TBC1D8: variants seen among roughly 807,000 people sequenced by gnomAD.
TBC1D8 encodes TBC1 domain family member 8.
Under a neutral mutation model 118.8 loss-of-function variants are expected in TBC1D8, and 65 were observed. The observed-to-expected ratio is 0.55, with a 90% CI of 0.45 to 0.67. The LOEUF is 0.67. Ranked by LOEUF, TBC1D8 falls within the 30% of genes least tolerant of loss-of-function variation. TBC1D8 has a pLI of 0.00. For synonymous variants in TBC1D8, 566 were observed against 595.8 expected, an observed-to-expected ratio of 0.95 and a Z score of 0.73; for missense variants, 1,376 against 1,471.2, an observed-to-expected ratio of 0.94 and a Z score of 1.06.
chr2:101,099,394 G>T (rs374103979), intron 1 of TBC1D8, among the ~76,000 whole-genome samples: 2 of 152,236 alleles, frequency 1.3e-5, no homozygotes, highest in South Asian at 2.1e-4. Flanking sequence ...AAAAAGCCCA[G>T]GACCAGATGG....
Position 101,097,833 on chromosome 2 carries a change from C to T in TBC1D8, c.128-7469G>A, listed in dbSNP as rs77203875. ...CAGTGAGCTATGATTGATCACACTG[C>T]TGTACTCCAGCCTGGATGACACAGT... On this transcript the variant is annotated intron_variant, in intron 1 of 19. Transcript: ENST00000409318. Among the ~76,000 whole-genome samples the T allele has an allele frequency of 7.5e-3, 1,136 of 152,294 alleles. 13 individuals carry two copies. The highest frequency in any genetic ancestry group is 0.026 in the African/African-American group (1,070 of 41,568).
intron 2 of TBC1D8, among the ~76,000 whole-genome samples, chr2:101,080,860 G>T (rs1204051345): frequency 1.3e-5 from 2 of 151,352 alleles, no homozygotes; most frequent in Admixed American, 1.3e-4. Context: ...CCAGTTCACT[G>T]CAGTCTCAAC....
At chr2:101,030,239 T>C (rs1483968517) in intron 11 of TBC1D8, among the ~76,000 whole-genome samples, 1 of 152,146 alleles carries the variant, frequency 6.6e-6, no homozygotes, top group East Asian at 1.9e-4. Flanking sequence ...AAAATGAAAA[T>C]GCAAGCTTCA....
chr2:101,019,147 A>G (rs552776807), intron 17 of TBC1D8: 23 of 1,467,490 alleles, frequency 1.6e-5, no homozygotes, highest in Middle Eastern at 2.3e-4. Flanking sequence ...TCTGTCTCCC[A>G]TATTACCCTG....
chr2:101,074,363 A>T (rs1382195064), intron 2 of TBC1D8, among the ~76,000 whole-genome samples: 1 of 152,240 alleles, frequency 6.6e-6, no homozygotes, highest in South Asian at 2.1e-4. Context: ...CACCATTAAC[A>T]GACATAATAA....
chr2:101,134,275 C>T (rs541562025), intron 1 of TBC1D8, among the ~76,000 whole-genome samples: 1 of 151,694 alleles, frequency 6.6e-6, no homozygotes, highest in African/African-American at 2.4e-5. Context: ...GGATGCTAAC[C>T]TCTGGGGCCT....
intron 17 of TBC1D8, among the ~76,000 whole-genome samples, chr2:101,012,380 C>G (rs910627221): frequency 6.6e-6 from 1 of 152,220 alleles, no homozygotes; most frequent in Non-Finnish European, 1.5e-5. Flanking sequence ...GAATGAAGCA[C>G]TGACGCATGC....
chr2:101,017,901 A>G (rs1356335825), intron 17 of TBC1D8: 4 of 1,550,856 alleles, frequency 2.6e-6, no homozygotes, highest in Non-Finnish European at 3.5e-6. Flanking sequence ...TGTCACCATC[A>G]GTGAGAAACC....
At chr2:101,078,957 A>C (rs1675065970) in intron 2 of TBC1D8, among the ~76,000 whole-genome samples, 1 of 152,028 alleles carries the variant, frequency 6.6e-6, no homozygotes, top group Non-Finnish European at 1.5e-5. Flanking sequence ...CACAGAAGTC[A>C]GTGAAAGGCA....
chr2:101,009,853 G>A (rs7355370), intron 19 of TBC1D8, among the ~76,000 whole-genome samples: 26,182 of 143,758 alleles, frequency 0.18, 2,609 homozygotes, highest in Middle Eastern at 0.34. Context: ...ATGGAGTCTC[G>A]CTCTGTCGCC....
intron 1 of TBC1D8, among the ~76,000 whole-genome samples, chr2:101,116,203 T>C (rs543099935): frequency 8.4e-4 from 128 of 152,316 alleles, no homozygotes; most frequent in African/African-American, 2.9e-3. Flanking sequence ...ATTTGACTGG[T>C]TGCCCACAGA....
In TBC1D8 at chr2:101,036,054, C is replaced by G. The variant is rs758772397; in HGVS notation, c.1567G>C (p.Glu523Gln). 2 of 1,614,052 alleles carry G rather than the reference C, an allele frequency of 1.2e-6. No homozygotes were observed. Among genetic ancestry groups the G allele is most frequent in the Admixed American group, 1.7e-5 (1 of 60,032 alleles). The change falls in exon 9 of 20, where the codon GAA becomes CAA. Residue 523 changes from glutamate to glutamine, a missense_variant. Physicochemically the swap from Glu to Gln is conservative, Grantham distance 29 (BLOSUM62 2). Transcript: ENST00000409318. Reference protein sequence around the residue: ...IRKLVAMGIPESLRGRLWLLF... With the variant: ...IRKLVAMGIPQSLRGRLWLLF... ...AGCCAGAGTCTCCCTCGCAAAGATTCAGGGATGCCCATGGCTACGAGCTTC... is the reference window on the plus strand; with the variant it reads ...AGCCAGAGTCTCCCTCGCAAAGATTGAGGGATGCCCATGGCTACGAGCTTC...
rs115562157 is a variant in TBC1D8, at chr2:101,008,975, G to C, written c.3016-702C>G. 5.2e-3 allele frequency among the ~76,000 whole-genome samples: 787 copies of C among 152,362 alleles called. 8 individuals carry two copies. Among genetic ancestry groups the C allele is most frequent in the African/African-American group, 0.018 (767 of 41,590 alleles). The stretch of plus-strand genomic sequence containing the variant: ...CAGGACCTAAATGTAAAATGAAATG[G>C]AAGAGTGATGCCTGTTGTTTTCTCA... On this transcript the variant is annotated intron_variant, in intron 19 of 19. Transcript: ENST00000409318.
chr2:101,080,156 C>T (rs1675166297), intron 2 of TBC1D8, among the ~76,000 whole-genome samples: 1 of 152,072 alleles, frequency 6.6e-6, no homozygotes, highest in African/African-American at 2.4e-5. Context: ...AGCAAAATGA[C>T]TTTATTTAAA....
chr2:101,048,639 C>CA (rs1274576998), intron 5 of TBC1D8, among the ~76,000 whole-genome samples: 1 of 141,544 alleles, frequency 7.1e-6, no homozygotes, highest in Non-Finnish European at 1.5e-5. Context: ...ATCAAACCCT[C>CA]AGCATGCTGC....
intron 1 of TBC1D8, among the ~76,000 whole-genome samples, chr2:101,116,749 T>C (rs1356024391): frequency 6.6e-6 from 1 of 151,882 alleles, no homozygotes; most frequent in Admixed American, 6.6e-5. Flanking sequence ...CAAGCAATTC[T>C]CCCTGCCTCA....
At chr2:101,090,447 C>T in intron 1 of TBC1D8, 83 bp from the exon 2 acceptor site, 1 of 1,458,578 alleles carries the variant, frequency 6.9e-7, no homozygotes, top group Non-Finnish European at 9.4e-7. Context: ...TGGTCGCTGT[C>T]TGGACTCCAT....
chr2:101,142,349 T>TA (rs1252699830), intron 1 of TBC1D8, among the ~76,000 whole-genome samples: 1 of 152,184 alleles, frequency 6.6e-6, no homozygotes, highest in Admixed American at 6.6e-5. Flanking sequence ...GAAATAAATT[T>TA]ATGTGTCGGG....
At chr2:101,094,169 G>A (rs1211174346) in intron 1 of TBC1D8, among the ~76,000 whole-genome samples, 1 of 152,098 alleles carries the variant, frequency 6.6e-6, no homozygotes, top group Non-Finnish European at 1.5e-5. Flanking sequence ...AGCTTTTCTA[G>A]CAAATACTCC....
Sources: gnomAD v4.1 joint callset for allele counts (sites outside exome capture counted in the v4.1 genomes callset) on GRCh38, gnomAD v4.1.1 for gene constraint, MANE v1.5 for transcripts, NCBI Gene and HGNC (gene_info 2026-07-23, HGNC 2026-07-21) for gene names.